The following IL2RB variants were observed in gnomAD, a reference collection of about 807,000 sequenced individuals.
IL2RB encodes the protein interleukin 2 receptor subunit beta.
In IL2RB, 17 loss-of-function variants were observed where a neutral mutation model predicts 44.2. The ratio of observed to expected loss-of-function variants is 0.38; its 90% CI spans 0.26 to 0.58. The LOEUF (loss-of-function observed/expected upper bound fraction) is 0.58, where lower values mean the gene tolerates loss of function less well. Ranked by LOEUF, IL2RB falls within the 20% of genes least tolerant of loss-of-function variation. IL2RB has a pLI of 0.63. For missense variants in IL2RB, 624 were observed against 685.5 expected (o/e 0.91, Z 1.00); for synonymous variants, 286 against 297.9 (o/e 0.96, Z 0.41).
At chr22:37,170,979 G>A (rs927515814) in intron 1 of IL2RB, among the ~76,000 whole-genome samples, 8 of 152,092 alleles carry the variant, frequency 5.3e-5, no homozygotes, top group South Asian at 2.1e-4. Context: ...TAGGACTCAC[G>A]CTCTTTTTTT....
intron 1 of IL2RB, among the ~76,000 whole-genome samples, chr22:37,160,820 G>A (rs1204388618): frequency 1.3e-5 from 2 of 151,836 alleles, no homozygotes; most frequent in Non-Finnish European, 2.9e-5. Flanking sequence ...AGCGAGACTG[G>A]GTGACAGAGC....
Position 37,141,834 on chromosome 22 carries a change from G to A in IL2RB, c.282+600C>T, listed in dbSNP as rs991737233. On this transcript the variant is annotated intron_variant, in intron 4 of 9. Transcript: ENST00000216223. The surrounding 1 kb of genome is among the most constrained non-coding windows in gnomAD (Gnocchi z 4.4). ...CTGGCCTGCAGGTGCCCCTTGGCCC[G>A]AGCAGCCTGGGCAGAAGGAGGCGGG... Among the ~76,000 whole-genome samples the A allele has an allele frequency of 6.6e-5, 10 of 152,200 alleles. No individual in the cohort carries two copies. Among genetic ancestry groups the A allele is most frequent in the African/African-American group, 1.9e-4 (8 of 41,458 alleles).
chr22:37,129,031 G>A (rs1390244688), intron 9 of IL2RB, among the ~76,000 whole-genome samples, 183 bp from the exon 10 acceptor site: 1 of 152,202 alleles, frequency 6.6e-6, no homozygotes, highest in Non-Finnish European at 1.5e-5. Flanking sequence ...CTGGCTTGGG[G>A]GCCCTCTGGG....
chr22:37,149,995 T>C, upstream of IL2RB: 1 of 834,992 alleles, frequency 1.2e-6, no homozygotes, highest in East Asian at 1.2e-4. Flanking sequence ...AGGCCTGGGG[T>C]GGAGAGGCGG....
intron 1 of IL2RB, among the ~76,000 whole-genome samples, chr22:37,165,609 T>C (rs1923041764): frequency 6.6e-6 from 1 of 152,180 alleles, no homozygotes; most frequent in South Asian, 2.1e-4. Flanking sequence ...AAAGTTTGTA[T>C]GAGATGTGCA....
At chr22:37,147,400 G>A (rs1044239548) in intron 1 of IL2RB, among the ~76,000 whole-genome samples, 3 of 152,154 alleles carry the variant, frequency 2.0e-5, no homozygotes, top group Non-Finnish European at 2.9e-5. Context: ...TTCCCACCAC[G>A]ACAGCTCACA....
At chr22:37,163,342 G>A (rs1468591891) in intron 1 of IL2RB, among the ~76,000 whole-genome samples, 3 of 152,120 alleles carry the variant, frequency 2.0e-5, no homozygotes, top group African/African-American at 7.2e-5. Flanking sequence ...CTAAGATCAC[G>A]TCAAATGCCC....
intron 4 of IL2RB, among the ~76,000 whole-genome samples, chr22:37,140,637 C>A (rs913259062): frequency 4.6e-5 from 7 of 151,614 alleles, no homozygotes; most frequent in African/African-American, 1.7e-4. Context: ...CACTGTGTGA[C>A]TCCATCTTCA....
Position 37,135,354 on chromosome 22 carries a change from C to T in IL2RB, c.792G>A (p.Leu264=), listed in dbSNP as rs774433459. 1 of 1,613,858 alleles carries T rather than the reference C, an allele frequency of 6.2e-7. No individual in the cohort carries two copies. The highest frequency in any genetic ancestry group is 8.5e-7 in the Non-Finnish European group (1 of 1,179,790). The change falls in exon 8 of 10, where the codon CTG becomes CTA. Residue 264 remains leucine, a synonymous_variant. Coordinates refer to ENST00000216223, the MANE Select transcript of IL2RB (RefSeq NM_000878.5). ...AFGFIILVYL[L]INCRNTGPWL... ...ATGGCCCGGTGTTCCTGCAGTTGAT[C>T]AGCAAGTACACTAAGATGATGAAGC...
upstream of IL2RB, among the ~76,000 whole-genome samples, chr22:37,150,760 C>T (rs1922456814): frequency 6.6e-6 from 1 of 152,070 alleles, no homozygotes; most frequent in Non-Finnish European, 1.5e-5. Flanking sequence ...CATCACTGCC[C>T]TTCCCATTTC....
rs3218284 is a variant in IL2RB at position 37,141,023 on chromosome 22, G to A, written c.282+1411C>T. 0.055 allele frequency among the ~76,000 whole-genome samples: 8,395 copies of A among 152,242 alleles called. 281 individuals carry two copies. The highest frequency in any genetic ancestry group is 0.12 in the South Asian group (601 of 4,826). On this transcript the variant is annotated intron_variant, in intron 4 of 9. Coordinates refer to ENST00000216223, the MANE Select transcript of IL2RB (RefSeq NM_000878.5). The surrounding 1 kb of genome is among the most constrained non-coding windows in gnomAD (Gnocchi z 4.4). ...GCTAAAACTCTGGCTGCAGCCGGGA[G>A]GCGTAGCTGGGGTCTCCTGCTCCAC...
intron 1 of IL2RB, among the ~76,000 whole-genome samples, chr22:37,147,529 G>A (rs1483272573): frequency 2.6e-5 from 4 of 152,214 alleles, no homozygotes; most frequent in Non-Finnish European, 4.4e-5. Context: ...CTGCCCAATG[G>A]CTTTATTATC....
Position 37,141,070 on chromosome 22 carries a change from C to T in IL2RB, c.282+1364G>A, listed in dbSNP as rs1005018124. 1.2e-4 allele frequency among the ~76,000 whole-genome samples: 18 copies of T among 152,188 alleles called. No homozygotes were observed. The highest frequency in any genetic ancestry group is 1.3e-4 in the Admixed American group (2 of 15,286). On this transcript the variant is annotated intron_variant, in intron 4 of 9. Coordinates refer to ENST00000216223, the MANE Select transcript of IL2RB (RefSeq NM_000878.5). The surrounding 1 kb of genome is among the most constrained non-coding windows in gnomAD (Gnocchi z 4.4). ...CCACGGAGCAGGTAGGAGCCCTGCC[C>T]TCCCAGGCAGGGCTGCAGCTGCCTA...
At chr22:37,172,381 C>A (rs1433344026) in intron 1 of IL2RB, among the ~76,000 whole-genome samples, 1 of 152,204 alleles carries the variant, frequency 6.6e-6, no homozygotes, top group African/African-American at 2.4e-5. Flanking sequence ...CAGCTCCTGG[C>A]TGCGGTCCTG....
intron 1 of IL2RB, among the ~76,000 whole-genome samples, chr22:37,159,211 T>C (rs993105245): frequency 2.6e-5 from 4 of 152,204 alleles, no homozygotes; most frequent in Non-Finnish European, 4.4e-5. Flanking sequence ...AGTTCCTCTC[T>C]ATCAAGAAGT....
chr22:37,143,608 T>C lies in IL2RB; in HGVS notation c.116A>G (p.Asn39Ser), dbSNP rs2146244957. ...NGTSQFTCFY[N>S]SRANISCVWS... ...GACACAGGAGATGTTGGCTCTCGAG[T>C]TGTAGAAGCATGTGAACTGGGAAGT... Residue 39 changes from asparagine (N) to serine (S), a missense_variant, in exon 3 of 10, where the codon AAC (asparagine) becomes AGC (serine). By Grantham distance (46) the Asn-to-Ser change is conservative (BLOSUM62 1). Coordinates refer to ENST00000216223, the MANE Select transcript of IL2RB (RefSeq NM_000878.5). 2.5e-6 allele frequency: 4 copies of C among 1,613,408 alleles called. No homozygotes were observed. The highest frequency in any genetic ancestry group is 3.4e-6 in the Non-Finnish European group (4 of 1,179,800).
At chr22:37,136,625 T>C (rs228954) in intron 6 of IL2RB, among the ~76,000 whole-genome samples, 71,256 of 151,640 alleles carry the variant, frequency 0.47, 16,969 homozygotes, top group East Asian at 0.61. Flanking sequence ...TCCACCTCCA[T>C]AGCCATTCCA....
At chr22:37,148,398 G>A (rs3218256) in intron 1 of IL2RB, among the ~76,000 whole-genome samples, 2,303 of 152,256 alleles carry the variant, frequency 0.015, 32 homozygotes, top group Non-Finnish European at 0.02. Context: ...TGGAGCCCAG[G>A]ACCTCGAGTT....
intron 1 of IL2RB, among the ~76,000 whole-genome samples, chr22:37,173,284 G>A (rs1923347839): frequency 6.6e-6 from 1 of 152,162 alleles, no homozygotes; most frequent in African/African-American, 2.4e-5. Flanking sequence ...AAGCCCTGCT[G>A]TGACTGTGTA....
Sources: allele counts gnomAD v4.1 joint callset (sites outside exome capture counted in the v4.1 genomes callset), GRCh38; gene constraint gnomAD v4.1.1; non-coding constraint Gnocchi (gnomAD v3.1); transcripts MANE v1.5; gene names NCBI Gene and HGNC (gene_info 2026-07-23, HGNC 2026-07-21).